The following RNF144B variants were observed in gnomAD, a reference collection of about 807,000 sequenced individuals.
RNF144B encodes ring finger protein 144B.
In RNF144B, 25 loss-of-function variants were observed where a neutral mutation model predicts 40.2. That is an observed-to-expected ratio of 0.62 (90% confidence interval 0.45 to 0.87). The LOEUF is 0.87. RNF144B is among the 40% of genes least tolerant of loss of function. The pLI is 0.00. For synonymous variants in RNF144B, 145 were observed against 136.3 expected, an observed-to-expected ratio of 1.06 and a Z score of -0.44; for missense variants, 365 against 373.7, an observed-to-expected ratio of 0.98 and a Z score of 0.19.
rs780147284 is a variant in RNF144B, at chr6:18,459,592, C to T, written c.537-15C>T. ...CCATCAGCTGAATGCCATTTCTCAT[C>T]CATTTTGTTTCTAGAGCCCTCTTTG... is the stretch of plus-strand genomic sequence containing the variant. On this transcript the variant is annotated splice_polypyrimidine_tract_variant and intron_variant, in intron 5 of 7. Coordinates refer to ENST00000259939, the MANE Select transcript of RNF144B (RefSeq NM_182757.4). The surrounding 1 kb of genome is among the most constrained non-coding windows in gnomAD (Gnocchi z 4.2). 2.5e-6 allele frequency: 4 copies of T among 1,611,344 alleles called. No homozygotes were observed. The African/African-American group carries it at 5.3e-5, about 21-fold the overall frequency.
chr6:18,396,510 C>T, intron 1 of RNF144B: 1 of 985,142 alleles, frequency 1.0e-6, no homozygotes, highest in Non-Finnish European at 1.2e-6. Flanking sequence ...TGGCTATTCA[C>T]ACCAGCTTTC....
Position 18,425,251 on chromosome 6 carries a change from C to T in RNF144B, c.166-2330C>T, listed in dbSNP as rs1758524594. ...TGTTCACTTTGTTTTCCTCAAACAC[C>T]TTCCCCTTGAGCCTGGAGACTATAT... On this transcript the variant is annotated intron_variant, in intron 2 of 7. Transcript: ENST00000259939. The surrounding 1 kb of genome is among the most constrained non-coding windows in gnomAD (Gnocchi z 4.2). 6.6e-6 allele frequency among the ~76,000 whole-genome samples: 1 copy of T among 152,176 alleles called. No individual in the cohort carries two copies. Among genetic ancestry groups the T allele is most frequent in the African/African-American group, 2.4e-5 (1 of 41,432 alleles).
At position 18,459,671 on chromosome 6, in the gene RNF144B, G is replaced by A. The variant is rs760701729; in HGVS notation, c.601G>A (p.Glu201Lys). 13 of 1,613,926 alleles carry A rather than the reference G, an allele frequency of 8.1e-6. No homozygotes were observed. The East Asian group carries it at 1.6e-4, about 19-fold the overall frequency. Reference sequence around the variant, plus strand: ...GTGCCCAGTTTGCCGGGTTTATATCGAACGCAATGAAGGCTGCGCTCAGAT... The same window carrying A: ...GTGCCCAGTTTGCCGGGTTTATATCAAACGCAATGAAGGCTGCGCTCAGAT... Reference protein sequence around the residue: ...KQCPVCRVYIERNEGCAQMMC... With the variant: ...KQCPVCRVYIKRNEGCAQMMC... The change falls in exon 6 of 8, where the codon GAA (glutamate) becomes AAA (lysine). Residue 201 changes from glutamate (E) to lysine (K), a missense_variant. Physicochemically the swap from Glu to Lys is moderately conservative, Grantham distance 56 (BLOSUM62 1). Transcript: ENST00000259939. This position sits in a 1 kb window ranked among gnomAD's most constrained non-coding sequence, Gnocchi z 4.2.
chr6:18,396,579 T>C, intron 1 of RNF144B: 4 of 985,418 alleles, frequency 4.1e-6, no homozygotes, highest in Non-Finnish European at 4.8e-6. Flanking sequence ...CCTGTGTCAT[T>C]ACCCTTTTTC....
At chr6:18,417,399 G>A (rs1021583102) in intron 2 of RNF144B, among the ~76,000 whole-genome samples, 10 of 152,228 alleles carry the variant, frequency 6.6e-5, no homozygotes, top group African/African-American at 2.4e-4. Flanking sequence ...GAATAGAATT[G>A]AGAGTCCATA....
chr6:18,408,631 G>A (rs892446757), intron 2 of RNF144B, among the ~76,000 whole-genome samples: 3 of 152,112 alleles, frequency 2.0e-5, no homozygotes, highest in African/African-American at 7.2e-5. Flanking sequence ...GGATATAAAG[G>A]TCTTTCCCTT....
rs770017171 is a variant in RNF144B, at chr6:18,457,173, A to G, written c.350A>G (p.Tyr117Cys). ...ACTTTAGAAGTTCATCTGGACCCCT[A>G]CCGAACATGGTGTCCTGTTGCAGAC... ...KFEREVHLDPYRTWCPVADCQ... is the reference protein window; with the variant it reads ...KFEREVHLDPCRTWCPVADCQ... The change falls in exon 5 of 8, where the codon TAC (tyrosine) becomes TGC (cysteine). Residue 117 changes from tyrosine (Y) to cysteine (C), a missense_variant. By Grantham distance (194) the Tyr-to-Cys change is radical (BLOSUM62 -2). Coordinates refer to ENST00000259939, the MANE Select transcript of RNF144B (RefSeq NM_182757.4). The surrounding 1 kb of genome is among the most constrained non-coding windows in gnomAD (Gnocchi z 5.1). 1.9e-6 allele frequency: 3 copies of G among 1,613,662 alleles called. No homozygotes were observed. Among genetic ancestry groups the G allele is most frequent in the Admixed American group, 1.7e-5 (1 of 60,028 alleles).
chr6:18,440,841 C>T (rs1400948510), intron 4 of RNF144B, among the ~76,000 whole-genome samples: 2 of 144,690 alleles, frequency 1.4e-5, no homozygotes, highest in African/African-American at 2.5e-5. Flanking sequence ...AGATTTATCT[C>T]ATGGGTGGAT....
In RNF144B at chr6:18,457,426, T is replaced by C. The variant is rs934246037; in HGVS notation, c.536+67T>C. On this transcript the variant is annotated intron_variant, in intron 5 of 7. Transcript: ENST00000259939. The surrounding 1 kb of genome is among the most constrained non-coding windows in gnomAD (Gnocchi z 5.1). Reference sequence around the variant, plus strand: ...TCTTAGAAATTCAACATACCTTACGTGTAGAAGGAGTTACGTTGTGATGGC... The same window carrying C: ...TCTTAGAAATTCAACATACCTTACGCGTAGAAGGAGTTACGTTGTGATGGC... 2.5e-6 allele frequency: 3 copies of C among 1,196,960 alleles called. No homozygotes were observed. The African/African-American group carries it at 4.5e-5, about 18-fold the overall frequency. 74.1% of individuals were successfully genotyped at this position (1,196,960 alleles called of 1,614,324 possible). A position where few individuals can be genotyped will look rare whatever the true frequency, so the allele number is the denominator to read the frequency against.
intron 4 of RNF144B, among the ~76,000 whole-genome samples, chr6:18,451,186 C>A (rs1759202088): frequency 6.6e-6 from 1 of 152,040 alleles, no homozygotes; most frequent in Non-Finnish European, 1.5e-5. Flanking sequence ...ACATTGTATT[C>A]ATTTTAAACA....
In RNF144B at chr6:18,405,597, A is replaced by G. The variant is rs543447336; in HGVS notation, c.165+5898A>G. On this transcript the variant is annotated intron_variant, in intron 2 of 7. Transcript: ENST00000259939. This position sits in a 1 kb window ranked among gnomAD's most constrained non-coding sequence, Gnocchi z 4.5. Reference sequence around the variant, plus strand: ...ACTGCTTATATCCATTAAGAGATTTAATGACAATACTATGGTGACTTTTGT... The same window carrying G: ...ACTGCTTATATCCATTAAGAGATTTGATGACAATACTATGGTGACTTTTGT... Among the ~76,000 whole-genome samples the G allele has an allele frequency of 2.3e-4, 35 of 152,220 alleles. No homozygotes were observed. The highest frequency in any genetic ancestry group is 4.4e-4 in the Non-Finnish European group (30 of 68,034).
intron 3 of RNF144B, among the ~76,000 whole-genome samples, chr6:18,433,854 C>G (rs1408193955): frequency 6.6e-6 from 1 of 152,160 alleles, no homozygotes; most frequent in African/African-American, 2.4e-5. Flanking sequence ...GGAAGAGCAG[C>G]TCTCGTTCTC....
At position 18,387,538 on chromosome 6, in the gene RNF144B, T is replaced by G. The variant is rs1476311156; in HGVS notation, c.-129T>G. 1 of 786,954 alleles carries G rather than the reference T, an allele frequency of 1.3e-6. No homozygotes were observed. The highest frequency in any genetic ancestry group is 1.7e-6 in the Non-Finnish European group (1 of 598,240). 48.7% of individuals were successfully genotyped at this position (786,954 alleles called of 1,614,324 possible). ...GGAAAGACGGAGAGAATGGAAGAGC[T>G]CCTGTCCGGTGTGCCAGCAGCCCGG... On this transcript the variant is annotated 5_prime_UTR_variant, in exon 1 of 8. Transcript: ENST00000259939.
chr6:18,411,493 ATATATT>A (rs1338441038), intron 2 of RNF144B, among the ~76,000 whole-genome samples: 25 of 23,028 alleles, frequency 1.1e-3, no homozygotes, highest in South Asian at 2.8e-3. Context: ...ATATATATAT[ATATATT>A]TTTTTTTTTT....
chr6:18,415,590 G>A (rs1795134913), intron 2 of RNF144B, among the ~76,000 whole-genome samples: 1 of 152,040 alleles, frequency 6.6e-6, no homozygotes, highest in African/African-American at 2.4e-5. Context: ...ATTTTGAAGG[G>A]GACACCATCA....
At chr6:18,409,509 C>T (rs1794990203) in intron 2 of RNF144B, among the ~76,000 whole-genome samples, 1 of 151,502 alleles carries the variant, frequency 6.6e-6, no homozygotes, top group African/African-American at 2.4e-5. Context: ...ATGCCCTCCC[C>T]CACCCTCTTG....
At chr6:18,455,668 G>T (rs1271495525) in intron 4 of RNF144B, among the ~76,000 whole-genome samples, 2 of 152,040 alleles carry the variant, frequency 1.3e-5, no homozygotes, top group African/African-American at 4.8e-5. Flanking sequence ...TTTTTACATG[G>T]TATGTTCCCT....
At position 18,405,761 on chromosome 6, in the gene RNF144B, A is replaced by G. The variant is rs1322485970; in HGVS notation, c.165+6062A>G. Among the ~76,000 whole-genome samples, 1 of 152,190 alleles carries G rather than the reference A, an allele frequency of 6.6e-6. No individual in the cohort carries two copies. Among genetic ancestry groups the G allele is most frequent in the East Asian group, 1.9e-4 (1 of 5,192 alleles). ...TAACAGCATGAGAAATGGATTAGAG[A>G]TGACTCAAGGAGGAGCTGGCTTCCT... is the stretch of plus-strand genomic sequence containing the variant. On this transcript the variant is annotated intron_variant, in intron 2 of 7. Coordinates refer to ENST00000259939, the MANE Select transcript of RNF144B (RefSeq NM_182757.4). The surrounding 1 kb of genome is among the most constrained non-coding windows in gnomAD (Gnocchi z 4.5).
intron 4 of RNF144B, among the ~76,000 whole-genome samples, chr6:18,440,422 T>C (rs1758932983): frequency 6.6e-6 from 1 of 152,142 alleles, no homozygotes; most frequent in Admixed American, 6.6e-5. Flanking sequence ...AGGAAAAAAT[T>C]GTTTCTCCCA....
Sources: gnomAD v4.1 joint callset for allele counts (sites outside exome capture counted in the v4.1 genomes callset) on GRCh38, gnomAD v4.1.1 for gene constraint, Gnocchi (gnomAD v3.1) non-coding constraint, MANE v1.5 for transcripts, NCBI Gene and HGNC (gene_info 2026-07-23, HGNC 2026-07-21) for gene names.